Variants in SYNRG observed in about 807,000 individuals in gnomAD.
The protein encoded by SYNRG is AP1 gamma subunit binding protein 1.
In SYNRG, 37 loss-of-function variants were observed where a neutral mutation model predicts 130.9. That is an observed-to-expected ratio of 0.28 (90% CI 0.22 to 0.37). The LOEUF (loss-of-function observed/expected upper bound fraction) is 0.37. Ranked by LOEUF, SYNRG falls within the 10% of genes least tolerant of loss-of-function variation. SYNRG has a pLI of 1.00. For synonymous variants in SYNRG, 539 were observed against 568.1 expected (o/e 0.95, Z 0.73); for missense variants, 1,338 against 1,588.9 (o/e 0.84, Z 2.68).
chr17:37,539,294 T>C (rs1568312016), intron 16 of SYNRG, 49 bp from the exon 17 acceptor site: 1 of 1,587,066 alleles, frequency 6.3e-7, no homozygotes, highest in Non-Finnish European at 8.6e-7. Flanking sequence ...ACCTGGAATC[T>C]TCTATTGATG....
At position 37,553,929 on chromosome 17, in the gene SYNRG, T is replaced by C; in HGVS notation, c.1794A>G (p.Gly598=). The change falls in exon 14 of 22, where the codon GGA becomes GGG. Residue 598 remains glycine (G), a synonymous_variant. Transcript: ENST00000612223. ...GTGTTTGTTGTTTCTGTTGTATAGT[T>C]CCTGAGGGGAAGGATGGTGGAAAAG... is the stretch of plus-strand genomic sequence containing the variant. The part of the protein sequence containing the change: ...DKTFPPSFPS[G]TIQQKQQTQV... 2 of 1,611,518 alleles carry C rather than the reference T, an allele frequency of 1.2e-6. No individual in the cohort carries two copies. The highest frequency in any genetic ancestry group is 1.7e-6 in the Non-Finnish European group (2 of 1,179,538).
intron 6 of SYNRG, among the ~76,000 whole-genome samples, chr17:37,578,330 CAAA>C (rs549982569): frequency 2.5e-5 from 3 of 120,210 alleles, no homozygotes; most frequent in African/African-American, 3.1e-5. Context: ...GACTCTGTCT[CAAA>C]AAAAAAAAAA....
chr17:37,525,666 C>G (rs948388335), intron 19 of SYNRG, among the ~76,000 whole-genome samples: 1 of 151,974 alleles, frequency 6.6e-6, no homozygotes, highest in Non-Finnish European at 1.5e-5. Context: ...AGCCCCGTCT[C>G]TACTAAAAAT....
chr17:37,605,407 C>A (rs2063663896), intron 1 of SYNRG, among the ~76,000 whole-genome samples: 1 of 152,218 alleles, frequency 6.6e-6, no homozygotes, highest in African/African-American at 2.4e-5. Flanking sequence ...TCTGTGCAAT[C>A]TCCTTTACCC....
In SYNRG at chr17:37,596,208, T is replaced by C; in HGVS notation, c.240+15A>G. ...AACAATAACTTTGTAAGAAACCAAC[T>C]AAAGAAGCAAGTACCTGCATAGCAA... On this transcript the variant is annotated intron_variant, in intron 3 of 21. Coordinates refer to ENST00000612223, the MANE Select transcript of SYNRG (RefSeq NM_007247.6). 1 of 1,612,434 alleles carries C rather than the reference T, an allele frequency of 6.2e-7. No homozygotes were observed. Among genetic ancestry groups the C allele is most frequent in the Non-Finnish European group, 8.5e-7 (1 of 1,179,364 alleles).
chr17:37,568,993 T>C, intron 10 of SYNRG, 69 bp from the exon 11 acceptor site: 1 of 1,528,118 alleles, frequency 6.5e-7, no homozygotes, highest in Non-Finnish European at 8.9e-7. Context: ...AAATCAAAAG[T>C]CAATCTCAAA....
chr17:37,526,195 T>C (rs1310156329), intron 19 of SYNRG, among the ~76,000 whole-genome samples: 1 of 151,942 alleles, frequency 6.6e-6, no homozygotes, highest in Non-Finnish European at 1.5e-5. Context: ...CTATTTCTCA[T>C]GTTTCCTTGA....
intron 1 of SYNRG, 33 bp downstream of exon 1, chr17:37,609,246 C>T: frequency 7.1e-7 from 1 of 1,410,476 alleles, no homozygotes; most frequent in Non-Finnish European, 9.2e-7. Flanking sequence ...CCCGCGGAGG[C>T]CAGCGGGCTC....
chr17:37,540,929 C>A, intron 15 of SYNRG: 1 of 996,548 alleles, frequency 1.0e-6, no homozygotes, highest in South Asian at 4.6e-5. Flanking sequence ...CCACCGCGCC[C>A]AGCCCACGAC....
At chr17:37,565,796 C>T (rs1485279299) in intron 11 of SYNRG, among the ~76,000 whole-genome samples, 3 of 149,152 alleles carry the variant, frequency 2.0e-5, no homozygotes, top group African/African-American at 7.4e-5. Context: ...AGTGAGGAGC[C>T]CCTCCGCCCG....
At chr17:37,533,822 C>A (rs372454987) in intron 19 of SYNRG, among the ~76,000 whole-genome samples, 2 of 151,290 alleles carry the variant, frequency 1.3e-5, no homozygotes, top group African/African-American at 4.9e-5. Flanking sequence ...GGTGATCCAC[C>A]CACCTCGGCC....
intron 2 of SYNRG, among the ~76,000 whole-genome samples, chr17:37,597,982 T>C (rs976728303): frequency 5.3e-5 from 8 of 152,220 alleles, no homozygotes; most frequent in Admixed American, 1.3e-4. Flanking sequence ...ATTTATAACC[T>C]AGCCTAATTT....
intron 14 of SYNRG, among the ~76,000 whole-genome samples, chr17:37,549,684 AG>A (rs1251013529): frequency 1.3e-5 from 2 of 152,126 alleles, no homozygotes; most frequent in African/African-American, 4.8e-5. Flanking sequence ...TCTACCTCCC[AG>A]GATCAACTGA....
intron 19 of SYNRG, among the ~76,000 whole-genome samples, chr17:37,522,819 TGAGTA>T (rs1457635582): frequency 6.6e-6 from 1 of 151,986 alleles, no homozygotes; most frequent in Non-Finnish European, 1.5e-5. Flanking sequence ...TTTTGTATTT[TGAGTA>T]GAGACGGGGT....
intron 6 of SYNRG, chr17:37,579,072 C>T (rs2061079582): frequency 9.4e-7 from 1 of 1,061,742 alleles, no homozygotes; most frequent in Admixed American, 4.9e-5. Flanking sequence ...ACTTATATAA[C>T]AGAAATAAGT....
chr17:37,585,199 A>C, intron 5 of SYNRG, 126 bp downstream of exon 5: 1 of 747,506 alleles, frequency 1.3e-6, no homozygotes, highest in South Asian at 1.9e-5. Flanking sequence ...GGTAAACCAA[A>C]ATGAGAAGAA....
intron 18 of SYNRG, among the ~76,000 whole-genome samples, chr17:37,537,912 C>T (rs1411584825): frequency 1.3e-5 from 2 of 152,312 alleles, no homozygotes; most frequent in East Asian, 3.9e-4. Context: ...TACACTTTCC[C>T]GTTGGACTGA....
At chr17:37,572,954 A>C (rs1203964986) in intron 8 of SYNRG, among the ~76,000 whole-genome samples, 1 of 152,232 alleles carries the variant, frequency 6.6e-6, no homozygotes, top group East Asian at 1.9e-4. Context: ...TTCAAATTTA[A>C]CTGGGCATCC....
chr17:37,519,832 G>A (rs2054772519), intron 21 of SYNRG, among the ~76,000 whole-genome samples: 1 of 152,198 alleles, frequency 6.6e-6, no homozygotes, highest in South Asian at 2.1e-4. Context: ...CTGCTTGTCT[G>A]TTAAAATGGC....
Sources: gnomAD v4.1 joint callset for allele counts (sites outside exome capture counted in the v4.1 genomes callset) on GRCh38, gnomAD v4.1.1 for gene constraint, MANE v1.5 for transcripts, NCBI Gene and HGNC (gene_info 2026-07-23, HGNC 2026-07-21) for gene names.